The following RUNX2 variants were observed in gnomAD, a reference collection of about 807,000 sequenced individuals.
RUNX2 encodes RUNX family transcription factor 2.
A neutral mutation model predicts 51.7 loss-of-function variants in RUNX2; 10 were observed. The ratio of observed to expected loss-of-function variants is 0.19; its 90% CI spans 0.12 to 0.33. RUNX2 has a LOEUF of 0.33. Among genes scored for constraint, RUNX2 ranks in the 10% least tolerant of loss-of-function variants. RUNX2 has a pLI of 1.00. For synonymous variants in RUNX2, 276 were observed against 273.6 expected (o/e 1.01, Z -0.09); for missense variants, 562 against 691.3 (o/e 0.81, Z 2.10).
intron 2 of RUNX2, among the ~76,000 whole-genome samples, chr6:45,400,705 C>A (rs1180131392): frequency 6.6e-6 from 1 of 152,140 alleles, no homozygotes; most frequent in Non-Finnish European, 1.5e-5. Context: ...TAGAACCCAG[C>A]CGTTTTCCTT....
At chr6:45,344,885 T>C (rs962123123) in intron 2 of RUNX2, among the ~76,000 whole-genome samples, 2 of 152,164 alleles carry the variant, frequency 1.3e-5, no homozygotes, top group African/African-American at 4.8e-5. Context: ...AATTTTTAAA[T>C]CCCTGAAGTT....
intron 2 of RUNX2, among the ~76,000 whole-genome samples, chr6:45,384,425 C>T (rs190353924): frequency 1.0e-3 from 154 of 152,076 alleles, no homozygotes; most frequent in African/African-American, 3.0e-3. Context: ...GCTGGGACTA[C>T]GGGCATGCAC....
At chr6:45,466,540 T>C (rs1799634951) in intron 5 of RUNX2, among the ~76,000 whole-genome samples, 1 of 152,074 alleles carries the variant, frequency 6.6e-6, no homozygotes, top group South Asian at 2.1e-4. Context: ...CCCAGTCTGG[T>C]TGTGTGATGA....
chr6:45,330,976 C>T lies in RUNX2; in HGVS notation c.58+2192C>T, dbSNP rs1350926019. Among the ~76,000 whole-genome samples the T allele has an allele frequency of 2.0e-5, 3 of 152,010 alleles. No homozygotes were observed. The East Asian group carries it at 5.8e-4, about 29-fold the overall frequency. On this transcript the variant is annotated intron_variant, in intron 2 of 8. Coordinates refer to ENST00000647337, the MANE Select transcript of RUNX2 (RefSeq NM_001024630.4). ...TAGATTTTTATATAATGATTATCAC[C>T]ACCACCTAATGAAATGTCTTAAGTA... is the stretch of plus-strand genomic sequence containing the variant.
chr6:45,501,573 ACT>A (rs1261797554), intron 6 of RUNX2, among the ~76,000 whole-genome samples: 1 of 152,040 alleles, frequency 6.6e-6, no homozygotes, highest in Non-Finnish European at 1.5e-5. Flanking sequence ...CCACCATATA[ACT>A]CTGTCTAAAC....
At chr6:45,517,668 A>G (rs372323117) in intron 7 of RUNX2, among the ~76,000 whole-genome samples, 1 of 152,146 alleles carries the variant, frequency 6.6e-6, no homozygotes, top group East Asian at 1.9e-4. Context: ...GCACAGGACT[A>G]TTGAAGATGT....
At chr6:45,392,676 T>C (rs1160848642) in intron 2 of RUNX2, among the ~76,000 whole-genome samples, 1 of 150,706 alleles carries the variant, frequency 6.6e-6, no homozygotes, top group African/African-American at 2.4e-5. Context: ...AATTTCTAGG[T>C]GTGGAAATTA....
chr6:45,529,289 A>C (rs745824482), intron 7 of RUNX2, among the ~76,000 whole-genome samples: 1 of 152,188 alleles, frequency 6.6e-6, no homozygotes, highest in Non-Finnish European at 1.5e-5. Flanking sequence ...AAAGGAAAGG[A>C]GAGTAGTAAA....
intron 7 of RUNX2, among the ~76,000 whole-genome samples, chr6:45,533,888 CTTTTTT>C (rs553154980): frequency 0.032 from 3,439 of 108,086 alleles, 137 homozygotes; most frequent in African/African-American, 0.12. Flanking sequence ...CCTGTTGAGA[CTTTTTT>C]TTTTTTTTTT....
Position 45,520,371 on chromosome 6 carries a change from A to G in RUNX2, c.1021+7964A>G, listed in dbSNP as rs543117689. 3.3e-5 allele frequency among the ~76,000 whole-genome samples: 5 copies of G among 152,334 alleles called. No homozygotes were observed. The South Asian group carries it at 1.0e-3, about 32-fold the overall frequency. On this transcript the variant is annotated intron_variant, in intron 7 of 8. Coordinates refer to ENST00000647337, the MANE Select transcript of RUNX2 (RefSeq NM_001024630.4). The stretch of plus-strand genomic sequence containing the variant: ...TTTTTTCCTAATCTTGCCCATAGAT[A>G]AATTCCTGAACATCTACTGTTTGGT...
At chr6:45,355,927 A>C (rs943790543) in intron 2 of RUNX2, among the ~76,000 whole-genome samples, 2 of 152,142 alleles carry the variant, frequency 1.3e-5, no homozygotes, top group African/African-American at 4.8e-5. Context: ...TTTCCCTATT[A>C]AACACACATT....
intron 2 of RUNX2, among the ~76,000 whole-genome samples, chr6:45,399,669 C>T (rs1797661779): frequency 6.6e-6 from 1 of 151,590 alleles, no homozygotes; most frequent in Non-Finnish European, 1.5e-5. Flanking sequence ...TTCTATCTCT[C>T]CCTGTTTCTT....
chr6:45,354,308 C>T (rs560687518), intron 2 of RUNX2, among the ~76,000 whole-genome samples: 2 of 152,026 alleles, frequency 1.3e-5, no homozygotes, highest in Non-Finnish European at 2.9e-5. Context: ...GATCTGATAA[C>T]ATAGTTGTTC....
intron 6 of RUNX2, among the ~76,000 whole-genome samples, chr6:45,502,812 A>T (rs1040257518): frequency 2.9e-4 from 44 of 152,320 alleles, no homozygotes; most frequent in African/African-American, 1.0e-3. Flanking sequence ...ATACCTAAAC[A>T]TCTTCTAAGG....
chr6:45,424,930 A>C (rs1484574049), intron 3 of RUNX2, among the ~76,000 whole-genome samples: 3 of 152,152 alleles, frequency 2.0e-5, no homozygotes, highest in African/African-American at 7.2e-5. Flanking sequence ...GAATTGTATA[A>C]ATTTAAATTT....
chr6:45,512,208 G>A, intron 6 of RUNX2, 38 bp from the exon 7 acceptor site: 1 of 1,606,980 alleles, frequency 6.2e-7, no homozygotes, highest in Non-Finnish European at 8.5e-7. Flanking sequence ...GGCTGCAATG[G>A]TTGCTATACT....
chr6:45,351,457 G>A (rs1465343421), intron 2 of RUNX2, among the ~76,000 whole-genome samples: 1 of 152,074 alleles, frequency 6.6e-6, no homozygotes, highest in African/African-American at 2.4e-5. Flanking sequence ...CTGTAACATA[G>A]TAAAATGAGG....
At chr6:45,481,475 T>C (rs1800112249) in intron 5 of RUNX2, among the ~76,000 whole-genome samples, 1 of 152,226 alleles carries the variant, frequency 6.6e-6, no homozygotes, top group Admixed American at 6.5e-5. Context: ...TTTTTGGAAC[T>C]AAAACACTCA....
intron 5 of RUNX2, among the ~76,000 whole-genome samples, chr6:45,460,051 T>C (rs939679851): frequency 3.9e-5 from 6 of 152,078 alleles, no homozygotes; most frequent in Non-Finnish European, 1.5e-5. Flanking sequence ...CAGAGAATGG[T>C]GCGTGGAAGG....
Sources: allele counts gnomAD v4.1 joint callset (sites outside exome capture counted in the v4.1 genomes callset), GRCh38; gene constraint gnomAD v4.1.1; transcripts MANE v1.5; gene names NCBI Gene and HGNC (gene_info 2026-07-23, HGNC 2026-07-21).